Variants in PTPRN2 observed in about 807,000 individuals in gnomAD.
The protein encoded by PTPRN2 is receptor-type tyrosine-protein phosphatase N2.
Under a neutral mutation model 118.8 loss-of-function variants are expected in PTPRN2, and 74 were observed. The observed-to-expected ratio is 0.62, with a 90% CI of 0.52 to 0.76. The LOEUF (loss-of-function observed/expected upper bound fraction) is 0.76. PTPRN2 is among the 30% of genes least tolerant of loss of function. The probability of loss-of-function intolerance (pLI) is 0.00; values close to 1 mark genes in which losing one functional copy is unlikely to be tolerated. For missense variants in PTPRN2, 1,481 were observed against 1,394.4 expected (o/e 1.06, Z -0.99); for synonymous variants, 641 against 608.0 (o/e 1.05, Z -0.80).
chr7:157,748,316 TCTCTGA>T (rs1801156499), intron 12 of PTPRN2, among the ~76,000 whole-genome samples: 1 of 136,772 alleles, frequency 7.3e-6, no homozygotes, highest in African/African-American at 2.6e-5. Context: ...GAGGCCTGCA[TCTCTGA>T]GCAGAGGGGT....
intron 2 of PTPRN2, among the ~76,000 whole-genome samples, chr7:158,409,699 C>G (rs1000969474): frequency 5.3e-5 from 8 of 152,158 alleles, no homozygotes; most frequent in African/African-American, 1.9e-4. Context: ...TCAACCTCAC[C>G]TGCCAGGGAA....
At chr7:158,153,646 G>C (rs542494145) in intron 6 of PTPRN2, among the ~76,000 whole-genome samples, 59 of 152,312 alleles carry the variant, frequency 3.9e-4, no homozygotes, top group South Asian at 1.7e-3. Context: ...GTGGTGGGTG[G>C]GGGTGCCACA....
chr7:158,338,668 A>G lies in PTPRN2; in HGVS notation c.164-21736T>C, dbSNP rs1210778000. 1.1e-4 allele frequency among the ~76,000 whole-genome samples: 3 copies of G among 26,876 alleles called. 1 individual carries two copies. Among genetic ancestry groups the G allele is most frequent in the Admixed American group, 9.8e-4 (3 of 3,054 alleles). The allele number at this position is 26,876 out of a possible 152,430, so 17.6% of individuals were successfully genotyped here. On this transcript the variant is annotated intron_variant, in intron 2 of 22. Transcript: ENST00000389418. ...AAGCTGATGCCTGCAGACGTCACTC[A>G]CGTACACAGTTCTCACCATAAGAGG...
intron 9 of PTPRN2, among the ~76,000 whole-genome samples, chr7:158,115,597 C>T (rs746042336): frequency 6.6e-6 from 1 of 152,086 alleles, no homozygotes; most frequent in Middle Eastern, 3.2e-3. Flanking sequence ...CTACAAGAGG[C>T]TCTGTAGATC....
rs1827956060 is a variant in PTPRN2, at chr7:158,570,460, T to C, written c.112+17098A>G. ...ACCATCCATCCTCACAGACGGACTC[T>C]GCACCGTGAGAAAGCGGCTTCGGCA... On this transcript the variant is annotated intron_variant, in intron 1 of 22. Coordinates refer to ENST00000389418, the MANE Select transcript of PTPRN2 (RefSeq NM_002847.5). The surrounding 1 kb of genome is among the most constrained non-coding windows in gnomAD (Gnocchi z 4.5). 6.6e-6 allele frequency among the ~76,000 whole-genome samples: 1 copy of C among 152,176 alleles called. No individual in the cohort carries two copies. Among genetic ancestry groups the C allele is most frequent in the African/African-American group, 2.4e-5 (1 of 41,452 alleles).
chr7:158,176,798 A>G (rs1824248642), intron 5 of PTPRN2, among the ~76,000 whole-genome samples: 2 of 152,206 alleles, frequency 1.3e-5, no homozygotes, highest in Admixed American at 6.5e-5. Context: ...CAATCACATG[A>G]GGGGGCAAAC....
In PTPRN2 at chr7:157,974,976, C is replaced by T. The variant is rs1249627491; in HGVS notation, c.1724-76239G>A. On this transcript the variant is annotated intron_variant, in intron 11 of 22. Coordinates refer to ENST00000389418, the MANE Select transcript of PTPRN2 (RefSeq NM_002847.5). The surrounding 1 kb of genome is among the most constrained non-coding windows in gnomAD (Gnocchi z 4.0). ...CCCTAGTCAGAAATGCCTCCTGACG[C>T]CTGTGACCTCTGGGCAGGGCTAGTG... Among the ~76,000 whole-genome samples the T allele has an allele frequency of 1.3e-5, 2 of 151,928 alleles. No individual in the cohort carries two copies. The highest frequency in any genetic ancestry group is 2.9e-5 in the Non-Finnish European group (2 of 67,984).
chr7:157,740,488 C>G (rs1023104020), intron 12 of PTPRN2: 4 of 151,178 alleles, frequency 2.6e-5, no homozygotes, highest in Admixed American at 6.6e-5. Context: ...TCCACGGCAA[C>G]GCGGGAGCCT....
rs908239250 is a variant in PTPRN2, at chr7:157,618,032, T to C, written c.2344+3330A>G. 2 of 152,284 alleles carry C rather than the reference T, an allele frequency of 1.3e-5. No individual in the cohort carries two copies. The highest frequency in any genetic ancestry group is 4.8e-5 in the African/African-American group (2 of 41,474). The allele number at this position is 152,284 out of a possible 1,614,324, so 9.4% of individuals were successfully genotyped here. A position where few individuals can be genotyped will look rare whatever the true frequency, so the allele number is the denominator to read the frequency against. ...AACAGAAAATGCATGTTAAGTTCTT[T>C]AAACTTCTGAGATAATACAACTAGA... On this transcript the variant is annotated intron_variant, in intron 15 of 22. Transcript: ENST00000389418. The surrounding 1 kb of genome is among the most constrained non-coding windows in gnomAD (Gnocchi z 4.2).
chr7:158,419,314 T>A (rs1815052151), intron 2 of PTPRN2, among the ~76,000 whole-genome samples: 2 of 85,120 alleles, frequency 2.3e-5, no homozygotes, highest in South Asian at 6.3e-4. Context: ...GAAAGCTCCA[T>A]TTTAGAAAAC....
chr7:157,957,266 C>T (rs1270208854), intron 11 of PTPRN2, among the ~76,000 whole-genome samples: 1 of 152,210 alleles, frequency 6.6e-6, no homozygotes, highest in Non-Finnish European at 1.5e-5. Context: ...CATCCCCTCT[C>T]CACAGCAACA....
chr7:158,103,214 A>G (rs756524862), intron 10 of PTPRN2, among the ~76,000 whole-genome samples: 2 of 152,168 alleles, frequency 1.3e-5, no homozygotes, highest in Non-Finnish European at 2.9e-5. Context: ...TGAGTTCCTG[A>G]GTCCTAAAAC....
At chr7:158,331,737 C>A (rs1237177944) in intron 2 of PTPRN2, among the ~76,000 whole-genome samples, 66 of 146,798 alleles carry the variant, frequency 4.5e-4, no homozygotes, top group South Asian at 8.5e-4. Context: ...AGAGCTGACA[C>A]CTGCAGACGT....
chr7:158,107,505 TG>T (rs1385268540), intron 10 of PTPRN2, among the ~76,000 whole-genome samples: 1 of 152,032 alleles, frequency 6.6e-6, no homozygotes, highest in African/African-American at 2.4e-5. Context: ...CAGGCCACTC[TG>T]GGAACAACAG....
At chr7:157,717,167 C>T (rs1798966751) in intron 12 of PTPRN2, among the ~76,000 whole-genome samples, 1 of 152,274 alleles carries the variant, frequency 6.6e-6, no homozygotes, top group Admixed American at 6.5e-5. Context: ...CACAGCATCA[C>T]CAAAATCGAT....
At chr7:158,346,215 T>C (rs1807501468) in intron 2 of PTPRN2, among the ~76,000 whole-genome samples, 1 of 152,364 alleles carries the variant, frequency 6.6e-6, no homozygotes, top group African/African-American at 2.4e-5. Flanking sequence ...CGTCTACTGT[T>C]ATCTTCATCA....
intron 12 of PTPRN2, among the ~76,000 whole-genome samples, chr7:157,693,109 C>T (rs1022049656): frequency 3.3e-5 from 5 of 151,608 alleles, no homozygotes; most frequent in African/African-American, 1.2e-4. Context: ...GGGAGGAGGA[C>T]TCGGGAGCCG....
chr7:157,713,846 G>A (rs753080433), intron 12 of PTPRN2, among the ~76,000 whole-genome samples: 9 of 152,300 alleles, frequency 5.9e-5, no homozygotes, highest in Admixed American at 1.3e-4. Context: ...AGCAGCTCTC[G>A]TGGGCTGTGC....
At chr7:158,367,768 G>A (rs995873832) in intron 2 of PTPRN2, among the ~76,000 whole-genome samples, 1 of 152,096 alleles carries the variant, frequency 6.6e-6, no homozygotes, top group Non-Finnish European at 1.5e-5. Context: ...TGACCTCCTT[G>A]GCCCAGAGCC....
Sources: gnomAD v4.1 joint callset for allele counts (sites outside exome capture counted in the v4.1 genomes callset) on GRCh38, gnomAD v4.1.1 for gene constraint, Gnocchi (gnomAD v3.1) non-coding constraint, MANE v1.5 for transcripts, NCBI Gene and HGNC (gene_info 2026-07-23, HGNC 2026-07-21) for gene names.